AIM2: variants seen among roughly 807,000 people sequenced by gnomAD.
AIM2 encodes absent in melanoma 2, also known as interferon-inducible protein AIM2.
Under a neutral mutation model 27.7 loss-of-function variants are expected in AIM2, and 30 were observed. The ratio of observed to expected loss-of-function variants is 1.08; its 90% CI spans 0.81 to 1.47. The LOEUF is 1.47. AIM2 is among the 40% of genes most tolerant of loss of function. The pLI, the probability that AIM2 is intolerant of heterozygous loss-of-function variation, is 0.00. For synonymous variants in AIM2, 141 were observed against 145.3 expected (o/e 0.97, Z 0.21); for missense variants, 358 against 411.3 (o/e 0.87, Z 1.12).
At chr1:159,118,729 C>T (rs1383664944) in intron 1 of AIM2, among the ~76,000 whole-genome samples, 1 of 152,144 alleles carries the variant, frequency 6.6e-6, no homozygotes, top group Non-Finnish European at 1.5e-5. Context: ...ATGGTGACTT[C>T]TACTGGTATT....
chr1:159,098,537 T>A (rs1035912589), intron 1 of AIM2, among the ~76,000 whole-genome samples: 1 of 152,196 alleles, frequency 6.6e-6, no homozygotes, highest in Non-Finnish European at 1.5e-5. Context: ...ATTTCCAGCG[T>A]TATAAAAAGT....
downstream of AIM2, among the ~76,000 whole-genome samples, chr1:159,061,379 T>C (rs1655828043): frequency 6.6e-6 from 1 of 152,016 alleles, no homozygotes; most frequent in Non-Finnish European, 1.5e-5. Context: ...GTGTTCTTTA[T>C]AAATTCTGGA....
rs776114459 is a variant in AIM2 at position 159,066,156 on chromosome 1, T to C, written c.570A>G (p.Val190=). 1.9e-6 allele frequency: 3 copies of C among 1,614,244 alleles called. No homozygotes were observed. Among genetic ancestry groups the C allele is most frequent in the South Asian group, 2.2e-5 (2 of 91,090 alleles). The change falls in exon 4 of 6, where the codon GTA becomes GTG. Residue 190 remains valine (V), a synonymous_variant. Coordinates refer to ENST00000368130, the MANE Select transcript of AIM2 (RefSeq NM_004833.3). Reference sequence around the variant, plus strand: ...CTTTCAGCAGTGTATTAAAAACTTTTACAAAGAAGAATTCCTTTTCTGTAG... The same window carrying C: ...CTTTCAGCAGTGTATTAAAAACTTTCACAAAGAAGAATTCCTTTTCTGTAG... ...TVATEKEFFF[V]KVFNTLLKDK... is the part of the protein sequence containing the mutation.
intron 1 of AIM2, among the ~76,000 whole-genome samples, chr1:159,131,626 A>G (rs752489127): frequency 1.3e-5 from 2 of 152,176 alleles, no homozygotes; most frequent in Non-Finnish European, 2.9e-5. Flanking sequence ...TTCCTTAGAG[A>G]TCAGCTTGGA....
At chr1:159,100,070 A>G (rs1256840280) in intron 1 of AIM2, among the ~76,000 whole-genome samples, 1 of 152,164 alleles carries the variant, frequency 6.6e-6, no homozygotes, top group East Asian at 1.9e-4. Flanking sequence ...GGCAGATAAA[A>G]CCTGGCAAAA....
intron 3 of AIM2, among the ~76,000 whole-genome samples, chr1:159,068,224 C>T (rs922599450): frequency 6.6e-6 from 1 of 152,132 alleles, no homozygotes; most frequent in African/African-American, 2.4e-5. Flanking sequence ...TGACATTCTT[C>T]CTCTTCTTCT....
At chr1:159,079,612 G>A (rs1229842616), upstream of AIM2, among the ~76,000 whole-genome samples, 1 of 151,992 alleles carries the variant, frequency 6.6e-6, no homozygotes, top group East Asian at 1.9e-4. Context: ...GAAGGTACAG[G>A]TTTCCATATA....
intron 1 of AIM2, among the ~76,000 whole-genome samples, chr1:159,123,164 T>C (rs1206022943): frequency 6.6e-6 from 1 of 152,196 alleles, no homozygotes; most frequent in African/African-American, 2.4e-5. Context: ...TTATCATAGT[T>C]ATTTATAGCT....
intron 3 of AIM2, among the ~76,000 whole-genome samples, chr1:159,066,742 C>T (rs1656122505): frequency 6.6e-6 from 1 of 152,178 alleles, no homozygotes. Flanking sequence ...CCTAAATGTT[C>T]ATTTTACTCT....
chr1:159,091,806 A>G (rs183351168), intron 1 of AIM2, among the ~76,000 whole-genome samples: 3 of 152,338 alleles, frequency 2.0e-5, no homozygotes, highest in African/African-American at 7.2e-5. Flanking sequence ...GTCCCTCTCT[A>G]TTGAAAAGGG....
chr1:159,061,255 C>T (rs570317872), downstream of AIM2, among the ~76,000 whole-genome samples: 1 of 152,190 alleles, frequency 6.6e-6, no homozygotes, highest in East Asian at 1.9e-4. Flanking sequence ...GTTTCCATTT[C>T]CTTAAAGATG....
At chr1:159,086,410 C>G (rs574905442) in intron 1 of AIM2, among the ~76,000 whole-genome samples, 4 of 152,354 alleles carry the variant, frequency 2.6e-5, no homozygotes, top group African/African-American at 9.6e-5. Flanking sequence ...TGTTGGCCAG[C>G]TCATCAGAGC....
chr1:159,135,992 C>T (rs1648004025), intron 1 of AIM2, among the ~76,000 whole-genome samples: 1 of 152,218 alleles, frequency 6.6e-6, no homozygotes, highest in Non-Finnish European at 1.5e-5. Context: ...GGCATTGCCC[C>T]ACGCAGAGAA....
intron 1 of AIM2, among the ~76,000 whole-genome samples, chr1:159,099,243 C>A (rs536670107): frequency 6.6e-6 from 1 of 152,148 alleles, no homozygotes; most frequent in African/African-American, 2.4e-5. Flanking sequence ...CAAGAGGAGA[C>A]AAAGGGCAGG....
At chr1:159,097,605 C>CAA (rs2102014891) in intron 1 of AIM2, among the ~76,000 whole-genome samples, 1 of 152,306 alleles carries the variant, frequency 6.6e-6, no homozygotes, top group Non-Finnish European at 1.5e-5. Context: ...CTCACATCCT[C>CAA]ATTTCTCCAC....
Position 159,063,778 on chromosome 1 carries a change from T to C in AIM2, c.817-104A>G, listed in dbSNP as rs148173937. The C allele has an allele frequency of 1.5e-3, 1,846 of 1,215,292 alleles. 25 individuals are homozygous for C. The African/African-American group carries it at 0.025, about 16-fold the overall frequency. 75.3% of individuals were successfully genotyped at this position (1,215,292 alleles called of 1,614,324 possible). A position where few individuals can be genotyped will look rare whatever the true frequency, so the allele number is the denominator to read the frequency against. The stretch of plus-strand genomic sequence containing the variant: ...AAGAAGGCTCTAAAAAGAAATCAGT[T>C]GATTCTTGAACAACACAGATTTTAC... On this transcript the variant is annotated intron_variant, in intron 4 of 5. Coordinates refer to ENST00000368130, the MANE Select transcript of AIM2 (RefSeq NM_004833.3).
rs1647409725 is a variant in AIM2, at chr1:159,117,529, CAAGTA to C, written c.-16+22897_-16+22901del. ...ATGGTTTCTCCAGGAGGCTCTGAGTCAAGTAAAGTGTAATTATTGACTCTTTCTCC... is the reference window on the plus strand; with the variant it reads ...ATGGTTTCTCCAGGAGGCTCTGAGTCAAGTGTAATTATTGACTCTTTCTCC... On this transcript the variant is annotated intron_variant, in intron 1 of 2. Transcript: ENST00000368129. Among the ~76,000 whole-genome samples, 4 of 152,144 alleles carry C rather than the reference CAAGTA, an allele frequency of 2.6e-5. No individual in the cohort carries two copies. In the South Asian group the frequency reaches 8.3e-4, roughly 32 times the overall value.
intron 1 of AIM2, among the ~76,000 whole-genome samples, chr1:159,107,892 C>T (rs113167661): frequency 0.13 from 19,343 of 151,944 alleles, 1,517 homozygotes; most frequent in Non-Finnish European, 0.17. Context: ...TAAGAAGCAG[C>T]GAGATTGAAA....
At chr1:159,098,879 T>C (rs1335914496) in intron 1 of AIM2, among the ~76,000 whole-genome samples, 1 of 152,164 alleles carries the variant, frequency 6.6e-6, no homozygotes, top group Admixed American at 6.5e-5. Flanking sequence ...AGTTTCTGGT[T>C]ATGATGAGTG....
Sources: allele counts gnomAD v4.1 joint callset (sites outside exome capture counted in the v4.1 genomes callset), GRCh38; gene constraint gnomAD v4.1.1; transcripts MANE v1.5; gene names NCBI Gene and HGNC (gene_info 2026-07-23, HGNC 2026-07-21).